The following KTN1 variants were observed in gnomAD, a reference collection of about 807,000 sequenced individuals.
KTN1 encodes kinectin.
KTN1 carries 130 observed loss-of-function variants against 222.5 expected under a neutral mutation model. The observed-to-expected ratio is 0.58, with a 90% CI of 0.51 to 0.68. The LOEUF is 0.68. KTN1 is among the 30% of genes least tolerant of loss of function. The pLI, the probability that KTN1 is intolerant of heterozygous loss-of-function variation, is 0.00. For synonymous variants in KTN1, 512 were observed against 496.3 expected (o/e 1.03, Z -0.42); for missense variants, 1,508 against 1,500.4 (o/e 1.01, Z -0.08).
At chr14:55,659,963 A>C (rs944757365) in intron 31 of KTN1, among the ~76,000 whole-genome samples, 3 of 152,226 alleles carry the variant, frequency 2.0e-5, no homozygotes, top group Non-Finnish European at 4.4e-5. Context: ...AAATCAAGTT[A>C]AACTATACTT....
At chr14:55,613,838 G>T (rs1319839663) in intron 2 of KTN1, among the ~76,000 whole-genome samples, 1 of 152,124 alleles carries the variant, frequency 6.6e-6, no homozygotes, top group Non-Finnish European at 1.5e-5. Flanking sequence ...ACATGTTTTA[G>T]TTGGGGAAAA....
At chr14:55,641,615 G>T (rs1162259110) in intron 17 of KTN1, 77 bp from the exon 18 acceptor site, 7 of 898,542 alleles carry the variant, frequency 7.8e-6, no homozygotes, top group Non-Finnish European at 1.3e-5. Context: ...AGGTTTGATT[G>T]TTCAAAAACC....
intron 27 of KTN1, among the ~76,000 whole-genome samples, 193 bp downstream of exon 27, chr14:55,653,278 A>G (rs995631745): frequency 5.9e-5 from 9 of 152,160 alleles, no homozygotes; most frequent in Non-Finnish European, 1.2e-4. Context: ...TAATCTGTCA[A>G]CCTGAGCCTA....
intron 33 of KTN1, among the ~76,000 whole-genome samples, chr14:55,666,847 A>G (rs746771242): frequency 1.3e-5 from 2 of 151,990 alleles, no homozygotes; most frequent in East Asian, 3.8e-4. Flanking sequence ...TATACCAGCC[A>G]ATAAAGCTCA....
chr14:55,600,990 A>G (rs759142043), intron 1 of KTN1, among the ~76,000 whole-genome samples: 53 of 152,148 alleles, frequency 3.5e-4, no homozygotes, highest in African/African-American at 5.6e-4. Context: ...TGAGTAAGCA[A>G]AAGTCTAAAA....
intron 2 of KTN1, 123 bp downstream of exon 2, chr14:55,612,694 C>CAAT: frequency 1.2e-6 from 1 of 805,716 alleles, no homozygotes; most frequent in Non-Finnish European, 1.9e-6. Flanking sequence ...TTATTCATTT[C>CAAT]ATTATGTGTT....
At chr14:55,616,994 A>C (rs575018088) in intron 3 of KTN1, among the ~76,000 whole-genome samples, 1 of 152,340 alleles carries the variant, frequency 6.6e-6, no homozygotes, top group East Asian at 1.9e-4. Context: ...ACTTAAAGGT[A>C]ATGCTTAAGG....
rs1295877265 is a variant in KTN1, at chr14:55,680,768, A to G, written c.4069+1083A>G. On this transcript the variant is annotated intron_variant, in intron 43 of 43. Transcript: ENST00000395314. ...TCAGTTATCTCTAACATGACTTTCC[A>G]TATAATAAGCCCAGCTCATTCTTCA... is the stretch of plus-strand genomic sequence containing the variant. 2.4e-5 allele frequency: 29 copies of G among 1,232,214 alleles called. 1 individual carries two copies. The South Asian group carries it at 2.8e-4, about 12-fold the overall frequency. The allele number at this position is 1,232,214 out of a possible 1,614,324, so 76.3% of individuals were successfully genotyped here.
chr14:55,649,764 T>C lies in KTN1; in HGVS notation c.2368-12T>C, dbSNP rs549351920. 38 of 1,461,684 alleles carry C rather than the reference T, an allele frequency of 2.6e-5. No individual in the cohort carries two copies. The East Asian group carries it at 4.0e-4, about 15-fold the overall frequency. The allele number at this position is 1,461,684 out of a possible 1,614,324, so 90.5% of individuals were successfully genotyped here. A position where few individuals can be genotyped will look rare whatever the true frequency, so the allele number is the denominator to read the frequency against. On this transcript the variant is annotated splice_polypyrimidine_tract_variant and intron_variant, in intron 21 of 43. Transcript: ENST00000395314. Reference sequence around the variant, plus strand: ...GAACAAATTACTAAGTAGGATACTTTCCTATTTCCAGGTTTCTTTTGCCTC... The same window carrying C: ...GAACAAATTACTAAGTAGGATACTTCCCTATTTCCAGGTTTCTTTTGCCTC...
At chr14:55,661,834 A>G (rs753992808) in intron 32 of KTN1, 4 of 324,098 alleles carry the variant, frequency 1.2e-5, no homozygotes, top group Non-Finnish European at 2.2e-5. Context: ...AAATATTTAA[A>G]TGTTGAAGCT....
chr14:55,581,281 C>T (rs1447159669), intron 1 of KTN1, among the ~76,000 whole-genome samples: 1 of 152,214 alleles, frequency 6.6e-6, no homozygotes, highest in South Asian at 2.1e-4. Context: ...CCCAGTTGCA[C>T]CTTGACTAGG....
In KTN1 at chr14:55,617,984, A is replaced by G; in HGVS notation, c.682A>G (p.Ile228Val). 1 of 1,594,868 alleles carries G rather than the reference A, an allele frequency of 6.3e-7. No homozygotes were observed. Among genetic ancestry groups the G allele is most frequent in the Non-Finnish European group, 8.5e-7 (1 of 1,172,822 alleles). Residue 228 changes from isoleucine to valine, a missense_variant, in exon 4 of 44, where the codon ATT becomes GTT. Coordinates refer to ENST00000395314, the MANE Select transcript of KTN1 (RefSeq NM_001079521.2). ...TGCAGTCTTCGTAGATGAACCCCTT[A>G]TTCATGCAACTACTTATATTCCTTT... ...TENVFVDEPL[I>V]HATTYIPLMD...
In KTN1 at chr14:55,639,209, G is replaced by T; in HGVS notation, c.1810G>T (p.Glu604Ter). 6.2e-7 allele frequency: 1 copy of T among 1,604,742 alleles called. No homozygotes were observed. The highest frequency in any genetic ancestry group is 8.5e-7 in the Non-Finnish European group (1 of 1,172,264). Residue 604 changes from glutamate to a stop codon, truncating the protein, a stop_gained, in exon 13 of 44, where the codon GAA becomes TAA. Coordinates refer to ENST00000395314, the MANE Select transcript of KTN1 (RefSeq NM_001079521.2). LOFTEE classifies it high-confidence loss of function. ...AQTSASVLAE[E>*]LHKVIAEKDK... ...GACCTCCGCTTCAGTTCTAGCAGAAGAATTACATAAAGTGTAAGCCTACCT... is the reference window on the plus strand; with the variant it reads ...GACCTCCGCTTCAGTTCTAGCAGAATAATTACATAAAGTGTAAGCCTACCT...
rs757228605 is a variant in KTN1 at position 55,641,115 on chromosome 14, T to TC, written c.2022-11dup. The TC allele has an allele frequency of 2.6e-6, 4 of 1,557,444 alleles. No individual in the cohort carries two copies. Among genetic ancestry groups the TC allele is most frequent in the African/African-American group, 2.8e-5 (2 of 72,684 alleles). Reference sequence around the variant, plus strand: ...GTATGAAGTATTTTAATTTTTTTTTTCACCCTCATAGTGTTTATGTTAAAG... The same window carrying TC: ...GTATGAAGTATTTTAATTTTTTTTTTCCACCCTCATAGTGTTTATGTTAAAG... On this transcript the variant is annotated splice_polypyrimidine_tract_variant and intron_variant, in intron 16 of 43. Transcript: ENST00000395314.
At chr14:55,683,509 T>C (rs1487788326) in intron 43 of KTN1, 1 of 152,212 alleles carries the variant, frequency 6.6e-6, no homozygotes, top group East Asian at 1.9e-4. Flanking sequence ...ATAGTAGTTA[T>C]GTACTATCCA....
rs1379759805 is a variant in KTN1 at position 55,634,601 on chromosome 14, G to A, written c.1404G>A (p.Lys468=). 1 of 1,613,888 alleles carries A rather than the reference G, an allele frequency of 6.2e-7. No individual in the cohort carries two copies. Among genetic ancestry groups the A allele is most frequent in the South Asian group, 1.1e-5 (1 of 91,064 alleles). Residue 468 remains lysine (K), a synonymous_variant, in exon 9 of 44, where the codon AAG becomes AAA. Transcript: ENST00000395314. ...ATGAGCTGACTGAGAAAACAGGAAA[G>A]CTACAGCAAGAGGAAGTCCAAAAGA... The part of the protein sequence containing the change: ...LVNELTEKTG[K]LQQEEVQKKN...
In KTN1 at chr14:55,650,651, AG is replaced by A; in HGVS notation, c.2565+15del. ...AAGGCTCAACAGGTAAAAATCCCAGAGCCATAGCATGACAGATTTATTAGTT... is the reference window on the plus strand; with the variant it reads ...AAGGCTCAACAGGTAAAAATCCCAGACCATAGCATGACAGATTTATTAGTT... On this transcript the variant is annotated intron_variant, in intron 24 of 43. Coordinates refer to ENST00000395314, the MANE Select transcript of KTN1 (RefSeq NM_001079521.2). 6.3e-7 allele frequency: 1 copy of A among 1,574,966 alleles called. No individual in the cohort carries two copies.
At chr14:55,671,739 G>C in intron 36 of KTN1, 46 bp from the exon 37 acceptor site, 1 of 1,536,014 alleles carries the variant, frequency 6.5e-7, no homozygotes, top group South Asian at 1.1e-5. Context: ...TTTTATCTTG[G>C]CATTAGAACA....
intron 29 of KTN1, among the ~76,000 whole-genome samples, chr14:55,656,830 G>A (rs2043534974): frequency 6.6e-6 from 1 of 152,134 alleles, no homozygotes; most frequent in African/African-American, 2.4e-5. Flanking sequence ...TGTTTTTTCT[G>A]CACAAACAGT....
Sources: allele counts gnomAD v4.1 joint callset (sites outside exome capture counted in the v4.1 genomes callset), GRCh38; gene constraint gnomAD v4.1.1; transcripts MANE v1.5; gene names NCBI Gene and HGNC (gene_info 2026-07-23, HGNC 2026-07-21).